SLCO3A1: variants seen among roughly 807,000 people sequenced by gnomAD.
SLCO3A1 encodes the protein solute carrier organic anion transporter family member 3A1.
A neutral mutation model predicts 63.1 loss-of-function variants in SLCO3A1; 27 were observed. That is an observed-to-expected ratio of 0.43 (90% CI 0.32 to 0.59). The LOEUF (loss-of-function observed/expected upper bound fraction) is 0.59. Among genes scored for constraint, SLCO3A1 ranks in the 20% least tolerant of loss-of-function variants. The probability of loss-of-function intolerance (pLI) is 0.09; values close to 1 mark genes in which losing one functional copy is unlikely to be tolerated. For synonymous variants in SLCO3A1, 473 were observed against 409.9 expected, an observed-to-expected ratio of 1.15 and a Z score of -1.86; for missense variants, 773 against 945.8, an observed-to-expected ratio of 0.82 and a Z score of 2.40.
intron 7 of SLCO3A1, among the ~76,000 whole-genome samples, chr15:92,141,175 A>G (rs1172248688): frequency 3.3e-5 from 5 of 152,198 alleles, no homozygotes; most frequent in Admixed American, 6.5e-5. Context: ...TGCCAAGCAG[A>G]GAATTCACCT....
At chr15:92,035,957 A>G (rs1314881749) in intron 2 of SLCO3A1, among the ~76,000 whole-genome samples, 2 of 147,992 alleles carry the variant, frequency 1.4e-5, no homozygotes, top group South Asian at 2.1e-4. Flanking sequence ...TGCCTAGTGT[A>G]GACTCTAGTG....
At chr15:91,958,996 A>C (rs72754094) in intron 2 of SLCO3A1, among the ~76,000 whole-genome samples, 9,092 of 152,254 alleles carry the variant, frequency 0.06, 398 homozygotes, top group Non-Finnish European at 0.091. Flanking sequence ...ACAGCTTACA[A>C]CTGCAAGGAT....
intron 2 of SLCO3A1, among the ~76,000 whole-genome samples, chr15:91,973,961 C>A (rs1236084613): frequency 6.6e-6 from 1 of 152,106 alleles, no homozygotes; most frequent in Non-Finnish European, 1.5e-5. Context: ...ACTTTTCTTT[C>A]TACATTTTCT....
intron 8 of SLCO3A1, among the ~76,000 whole-genome samples, chr15:92,150,700 C>G (rs1008603897): frequency 1.3e-5 from 2 of 151,416 alleles, no homozygotes; most frequent in African/African-American, 4.9e-5. Flanking sequence ...CTTCGAATGA[C>G]AAGGTTAGCT....
Position 91,954,535 on chromosome 15 carries a change from G to C in SLCO3A1, c.646+38077G>C, listed in dbSNP as rs61191040. 0.019 allele frequency among the ~76,000 whole-genome samples: 2,882 copies of C among 152,288 alleles called. 46 individuals are homozygous for C. The highest frequency in any genetic ancestry group is 0.055 in the South Asian group (264 of 4,828). Reference sequence around the variant, plus strand: ...GGGAGAGTGATGAACAGCCTACCTGGTCAGGTGCCCCGCAGGCTTTCCTGA... The same window carrying C: ...GGGAGAGTGATGAACAGCCTACCTGCTCAGGTGCCCCGCAGGCTTTCCTGA... On this transcript the variant is annotated intron_variant, in intron 2 of 9. Transcript: ENST00000318445. This position sits in a 1 kb window ranked among gnomAD's most constrained non-coding sequence, Gnocchi z 4.7.
chr15:91,922,323 C>T (rs899768665), intron 2 of SLCO3A1, among the ~76,000 whole-genome samples: 1 of 152,196 alleles, frequency 6.6e-6, no homozygotes, highest in Non-Finnish European at 1.5e-5. Flanking sequence ...TGCCTGAATA[C>T]ACAGAACAAG....
Position 91,926,557 on chromosome 15 carries a change from C to CTGTGTGTGTGTG in SLCO3A1, c.646+10099_646+10100insTGTGTGTGTGTG, listed in dbSNP as rs1567189095. Among the ~76,000 whole-genome samples the CTGTGTGTGTGTG allele has an allele frequency of 1.7e-3, 93 of 54,366 alleles. 1 individual carries two copies. Among genetic ancestry groups the CTGTGTGTGTGTG allele is most frequent in the African/African-American group, 8.8e-3 (86 of 9,774 alleles). 35.7% of individuals were successfully genotyped at this position (54,366 alleles called of 152,430 possible). On this transcript the variant is annotated intron_variant, in intron 2 of 9. Transcript: ENST00000318445. ...GCTTTGCCATTTCATTCCTGCCAAG[C>CTGTGTGTGTGTG]CGTGTGTGTGTGTGTGTGTGTGTGT... is the stretch of plus-strand genomic sequence containing the variant.
intron 2 of SLCO3A1, among the ~76,000 whole-genome samples, chr15:92,025,520 TC>T (rs1243828973): frequency 1.3e-5 from 2 of 152,228 alleles, no homozygotes; most frequent in Admixed American, 6.5e-5. Context: ...ATCAGTGGCA[TC>T]CACTTGTTGT....
chr15:92,151,942 ACAATTAG>A (rs2048311021), intron 9 of SLCO3A1, among the ~76,000 whole-genome samples: 1 of 152,254 alleles, frequency 6.6e-6, no homozygotes, highest in Non-Finnish European at 1.5e-5. Context: ...CCAACAGCAG[ACAATTAG>A]TTAAATCAGT....
intron 1 of SLCO3A1, among the ~76,000 whole-genome samples, chr15:91,904,976 T>A (rs1261592212): frequency 6.6e-6 from 1 of 152,192 alleles, no homozygotes; most frequent in Admixed American, 6.5e-5. Context: ...CTGGTAGAGA[T>A]GGGTTGTAAG....
At chr15:92,172,236 T>A in exon 11 of SLCO3A1, 1 of 185,720 alleles carries the variant, frequency 5.4e-6, no homozygotes, top group Non-Finnish European at 1.1e-5. Flanking sequence ...ACAGCTTTAA[T>A]GAAATCAGCC....
chr15:91,918,043 G>A (rs1400758533), intron 2 of SLCO3A1, among the ~76,000 whole-genome samples: 2 of 152,212 alleles, frequency 1.3e-5, no homozygotes, highest in Non-Finnish European at 2.9e-5. Context: ...TAACAGTGCT[G>A]TATCACTTCT....
Position 92,163,132 on chromosome 15 carries a change from A to T in SLCO3A1, c.2130A>T (p.Leu710Phe). The T allele has an allele frequency of 6.6e-7, 1 of 1,516,996 alleles. No individual in the cohort carries two copies. The highest frequency in any genetic ancestry group is 8.8e-7 in the Non-Finnish European group (1 of 1,134,738). The allele number at this position is 1,516,996 out of a possible 1,614,324, so 94.0% of individuals were successfully genotyped here. The part of the protein sequence containing the change: ...HEWCENMESV[L>F] ...GGTGTGAAAACATGGAGTCCGTTTTATAGTGACTAAAGGAGGGCTGAACTC... is the reference window on the plus strand; with the variant it reads ...GGTGTGAAAACATGGAGTCCGTTTTTTAGTGACTAAAGGAGGGCTGAACTC... The change falls in exon 10 of 10, where the codon TTA becomes TTT. Residue 710 changes from leucine (L) to phenylalanine (F), a missense_variant. By Grantham distance (22) the Leu-to-Phe change is conservative. Coordinates refer to ENST00000318445, the MANE Select transcript of SLCO3A1 (RefSeq NM_013272.4).
chr15:92,085,148 T>C (rs2047390386), intron 2 of SLCO3A1, among the ~76,000 whole-genome samples: 1 of 152,142 alleles, frequency 6.6e-6, no homozygotes, highest in South Asian at 2.1e-4. Flanking sequence ...TTCCAGGCAG[T>C]TAAGTTGGTA....
At chr15:92,088,409 T>A (rs1035232971) in intron 2 of SLCO3A1, among the ~76,000 whole-genome samples, 1 of 152,200 alleles carries the variant, frequency 6.6e-6, no homozygotes, top group Non-Finnish European at 1.5e-5. Flanking sequence ...TGTGCAATAT[T>A]CCATTCATGC....
At chr15:92,136,617 A>G (rs2048060424) in intron 7 of SLCO3A1, among the ~76,000 whole-genome samples, 1 of 152,168 alleles carries the variant, frequency 6.6e-6, no homozygotes. Flanking sequence ...GTGATGTGCT[A>G]TTCTTTCATT....
chr15:91,976,504 A>G (rs943180052), intron 2 of SLCO3A1, among the ~76,000 whole-genome samples: 10 of 152,134 alleles, frequency 6.6e-5, no homozygotes, highest in Non-Finnish European at 1.0e-4. Context: ...CCATGTACCA[A>G]TTGCATTCTG....
At chr15:92,170,111 T>G (rs2048513524), downstream of SLCO3A1, among the ~76,000 whole-genome samples, 1 of 152,260 alleles carries the variant, frequency 6.6e-6, no homozygotes, top group Non-Finnish European at 1.5e-5. Flanking sequence ...ATGTTTTTCT[T>G]AACGTTAACC....
intron 2 of SLCO3A1, among the ~76,000 whole-genome samples, chr15:91,933,939 C>A (rs774612621): frequency 2.5e-4 from 38 of 152,176 alleles, no homozygotes; most frequent in Non-Finnish European, 4.4e-4. Context: ...GATCTGAATA[C>A]TCACGTGCCC....
Sources: allele counts gnomAD v4.1 joint callset (sites outside exome capture counted in the v4.1 genomes callset), GRCh38; gene constraint gnomAD v4.1.1; non-coding constraint Gnocchi (gnomAD v3.1); transcripts MANE v1.5; gene names NCBI Gene and HGNC (gene_info 2026-07-23, HGNC 2026-07-21).